Variants in CCSER1 observed in about 807,000 individuals in gnomAD.
The protein encoded by CCSER1 is serine-rich coiled-coil domain-containing protein 1.
A neutral mutation model predicts 82.0 loss-of-function variants in CCSER1; 41 were observed. The observed-to-expected ratio is 0.50, with a 90% CI of 0.39 to 0.65. The LOEUF is 0.65. CCSER1 is among the 30% of genes least tolerant of loss of function. The pLI, the probability that CCSER1 is intolerant of heterozygous loss-of-function variation, is 0.00. For missense variants in CCSER1, 1,119 were observed against 1,064.2 expected (o/e 1.05, Z -0.72); for synonymous variants, 414 against 383.9 (o/e 1.08, Z -0.92).
chr4:90,736,695 C>T (rs569204414), intron 7 of CCSER1, among the ~76,000 whole-genome samples: 1 of 151,980 alleles, frequency 6.6e-6, no homozygotes, highest in South Asian at 2.1e-4. Context: ...ATTTCATTTA[C>T]ATTCAATGAT....
At position 90,949,001 on chromosome 4, in the gene CCSER1, A is replaced by C. The variant is rs548770321; in HGVS notation, c.2172+25554A>C. ...GTAACAAGAATATGTCTGACGTGGA[A>C]TGTGATAATTTTATGAGCATAATGT... On this transcript the variant is annotated intron_variant, in intron 9 of 10. Transcript: ENST00000509176. 2.5e-4 allele frequency among the ~76,000 whole-genome samples: 38 copies of C among 152,238 alleles called. No homozygotes were observed. The South Asian group carries it at 7.7e-3, about 31-fold the overall frequency.
At chr4:90,450,609 G>T (rs551910361) in intron 4 of CCSER1, among the ~76,000 whole-genome samples, 1 of 152,294 alleles carries the variant, frequency 6.6e-6, no homozygotes, top group East Asian at 1.9e-4. Flanking sequence ...TGGGTCAACA[G>T]AGGAAATTCC....
intron 8 of CCSER1, among the ~76,000 whole-genome samples, chr4:90,832,773 G>A (rs560077318): frequency 5.9e-5 from 9 of 152,232 alleles, no homozygotes; most frequent in African/African-American, 1.9e-4. Flanking sequence ...ACCAAATGGT[G>A]TGTACTTCTT....
rs1038689602 is a variant in CCSER1, at chr4:91,584,594, G to C, written c.2218-13978G>C. Among the ~76,000 whole-genome samples, 6 of 151,530 alleles carry C rather than the reference G, an allele frequency of 4.0e-5. No individual in the cohort carries two copies. In the Admixed American group the frequency reaches 4.0e-4, roughly 10 times the overall value. ...TTGTTCATATTTTAGGGAAATACTA[G>C]TAAAAGTTTTGTTTTACATAAATCC... On this transcript the variant is annotated intron_variant, in intron 10 of 10. Transcript: ENST00000509176.
chr4:90,547,854 A>G (rs1232805039), intron 5 of CCSER1, among the ~76,000 whole-genome samples: 1 of 152,186 alleles, frequency 6.6e-6, no homozygotes, highest in Non-Finnish European at 1.5e-5. Flanking sequence ...TGAAAAGTCT[A>G]CTTTATGCCA....
rs545741881 is a variant in CCSER1 at position 91,182,249 on chromosome 4, G to A, written c.2217+96255G>A. ...TGATAAGTTTTCAGGTGTCTTGATG[G>A]TATCCAAATTGGCTGTTGATTTTGG... is the stretch of plus-strand genomic sequence containing the variant. On this transcript the variant is annotated intron_variant, in intron 10 of 10. Transcript: ENST00000509176. Among the ~76,000 whole-genome samples the A allele has an allele frequency of 2.8e-4, 43 of 152,202 alleles. 1 individual carries two copies. The South Asian group carries it at 8.7e-3, about 31-fold the overall frequency.
At chr4:90,237,191 G>C (rs1376170014) in intron 1 of CCSER1, among the ~76,000 whole-genome samples, 2 of 152,130 alleles carry the variant, frequency 1.3e-5, no homozygotes, top group Non-Finnish European at 2.9e-5. Context: ...TCTTTTATCT[G>C]CATGAAGATG....
intron 9 of CCSER1, among the ~76,000 whole-genome samples, chr4:91,014,680 A>G (rs1412171493): frequency 2.2e-4 from 18 of 82,552 alleles, no homozygotes; most frequent in East Asian, 5.1e-4. Flanking sequence ...AAGCAAATGT[A>G]AACATACATT....
chr4:91,047,383 T>A (rs1217530664), intron 9 of CCSER1, among the ~76,000 whole-genome samples: 2 of 152,128 alleles, frequency 1.3e-5, no homozygotes, highest in Admixed American at 6.6e-5. Context: ...AAATAAATAA[T>A]GTGAAACCCT....
chr4:90,915,369 C>T (rs1178854314), intron 8 of CCSER1, among the ~76,000 whole-genome samples: 2 of 152,010 alleles, frequency 1.3e-5, no homozygotes, highest in Non-Finnish European at 2.9e-5. Flanking sequence ...CATACGCAAA[C>T]CAATAAACGT....
intron 10 of CCSER1, among the ~76,000 whole-genome samples, chr4:91,443,234 C>A (rs1755314823): frequency 6.6e-6 from 1 of 152,012 alleles, no homozygotes; most frequent in African/African-American, 2.4e-5. Context: ...AAATGTCCAA[C>A]AGTGATAGAC....
chr4:90,513,018 G>A (rs778535531), intron 5 of CCSER1, among the ~76,000 whole-genome samples: 6 of 152,002 alleles, frequency 3.9e-5, no homozygotes, highest in Admixed American at 1.3e-4. Context: ...AAGCAAAGCC[G>A]CTTGTGGGTA....
chr4:91,355,232 AG>A (rs1446593310), intron 10 of CCSER1, among the ~76,000 whole-genome samples: 2 of 151,322 alleles, frequency 1.3e-5, no homozygotes, highest in East Asian at 3.9e-4. Context: ...ACTTTTTTTT[AG>A]TTTACAGAAC....
At chr4:91,434,510 T>G (rs1754528890) in intron 10 of CCSER1, among the ~76,000 whole-genome samples, 1 of 152,082 alleles carries the variant, frequency 6.6e-6, no homozygotes. Context: ...TTAGAGAAGT[T>G]TAAAAATGAA....
intron 6 of CCSER1, among the ~76,000 whole-genome samples, chr4:90,647,877 T>C (rs1017459116): frequency 1.3e-5 from 2 of 152,102 alleles, no homozygotes; most frequent in Admixed American, 6.5e-5. Context: ...GTAATAACAA[T>C]TGGTATTTGG....
chr4:91,559,084 A>G (rs2110246927), intron 10 of CCSER1, among the ~76,000 whole-genome samples: 1 of 151,566 alleles, frequency 6.6e-6, no homozygotes, highest in Non-Finnish European at 1.5e-5. Flanking sequence ...ACATATGTCT[A>G]GTTAAGTATG....
chr4:90,556,249 T>G (rs1186256008), intron 5 of CCSER1, among the ~76,000 whole-genome samples: 1 of 152,106 alleles, frequency 6.6e-6, no homozygotes, highest in Non-Finnish European at 1.5e-5. Context: ...AAAACTTTAA[T>G]TTTAAAGAAA....
intron 10 of CCSER1, among the ~76,000 whole-genome samples, chr4:91,098,096 T>C (rs1227862128): frequency 6.6e-6 from 1 of 152,226 alleles, no homozygotes; most frequent in Non-Finnish European, 1.5e-5. Context: ...CCCTGTTTTA[T>C]ATTTACATTC....
At chr4:90,303,553 G>T (rs1033707496) in intron 1 of CCSER1, among the ~76,000 whole-genome samples, 43 of 151,916 alleles carry the variant, frequency 2.8e-4, no homozygotes, top group Admixed American at 1.2e-3. Flanking sequence ...AATGGGGAAA[G>T]GATTCCCTAT....
Sources: gnomAD v4.1 joint callset for allele counts (sites outside exome capture counted in the v4.1 genomes callset) on GRCh38, gnomAD v4.1.1 for gene constraint, MANE v1.5 for transcripts, NCBI Gene and HGNC (gene_info 2026-07-23, HGNC 2026-07-21) for gene names.